AKT2: variants seen among roughly 807,000 people sequenced by gnomAD.
AKT2 encodes RAC-beta serine/threonine-protein kinase.
Under a neutral mutation model 58.6 loss-of-function variants are expected in AKT2, and 16 were observed. The observed-to-expected ratio is 0.27, with a 90% CI of 0.18 to 0.41. The LOEUF (loss-of-function observed/expected upper bound fraction) is 0.41, where lower values mean the gene tolerates loss of function less well. Among genes scored for constraint, AKT2 ranks in the 10% least tolerant of loss-of-function variants. The pLI is 1.00. For synonymous variants in AKT2, 253 were observed against 254.0 expected, an observed-to-expected ratio of 1.00 and a Z score of 0.04; for missense variants, 438 against 661.0, an observed-to-expected ratio of 0.66 and a Z score of 3.70.
In AKT2 at chr19:40,234,816, C is replaced by T. The variant is rs1973908332; in HGVS notation, c.1366+229G>A. Reference sequence around the variant, plus strand: ...GCTCAGGGACCGGGCTGCCTCCTGCCCTGAGCCCCCCGACTGAGCTCCAGA... The same window carrying T: ...GCTCAGGGACCGGGCTGCCTCCTGCTCTGAGCCCCCCGACTGAGCTCCAGA... On this transcript the variant is annotated intron_variant, in intron 13 of 13. Transcript: ENST00000392038. This position sits in a 1 kb window ranked among gnomAD's most constrained non-coding sequence, Gnocchi z 4.7. 1.6e-6 allele frequency: 1 copy of T among 636,854 alleles called. No homozygotes were observed. The allele number at this position is 636,854 out of a possible 1,614,324, so 39.5% of individuals were successfully genotyped here. A position where few individuals can be genotyped will look rare whatever the true frequency, so the allele number is the denominator to read the frequency against.
rs756439602 is a variant in AKT2 at position 40,242,618 on chromosome 19, G to A, written c.357C>T (p.Pro119=). Residue 119 remains proline, a synonymous_variant, in exon 5 of 14, where the codon CCC becomes CCT. Coordinates refer to ENST00000392038, the MANE Select transcript of AKT2 (RefSeq NM_001626.6). This position sits in a 1 kb window ranked among gnomAD's most constrained non-coding sequence, Gnocchi z 4.3. ...SLKQRAPGED[P]MDYKCGSPSD... is the part of the protein sequence containing the mutation. ...TGGGGGAGCCACACTTGTAGTCCAT[G>A]GGGTCCTCGCCTGGGGCCCGCTGCT... The A allele has an allele frequency of 8.1e-6, 13 of 1,613,762 alleles. No individual in the cohort carries two copies. In the Admixed American group the frequency reaches 2.2e-4, roughly 27 times the overall value.
At chr19:40,274,886 C>G (rs889567125) in intron 1 of AKT2, 1 of 356,816 alleles carries the variant, frequency 2.8e-6, no homozygotes, top group Admixed American at 3.7e-5. Flanking sequence ...CCGCCTGAGG[C>G]GAGCTGGGGA....
At chr19:40,273,324 G>C (rs988410939) in intron 1 of AKT2, among the ~76,000 whole-genome samples, 4 of 147,862 alleles carry the variant, frequency 2.7e-5, no homozygotes, top group African/African-American at 7.5e-5. Flanking sequence ...CTGAGGGACA[G>C]AGCAAGACTC....
chr19:40,239,868 C>A (rs1225130795), intron 7 of AKT2, 177 bp downstream of exon 7: 1 of 768,476 alleles, frequency 1.3e-6, no homozygotes, highest in Non-Finnish European at 2.3e-6. Flanking sequence ...ACTCCCCGAG[C>A]CTGCTCACCC....
intron 7 of AKT2, 78 bp from the exon 8 acceptor site, chr19:40,239,051 C>T: frequency 6.9e-7 from 1 of 1,451,132 alleles, no homozygotes. Context: ...GGGCCCTGGC[C>T]CTGCTTATTC....
At chr19:40,246,870 T>TC (rs1974784072) in intron 4 of AKT2, among the ~76,000 whole-genome samples, 1 of 152,118 alleles carries the variant, frequency 6.6e-6, no homozygotes, top group Non-Finnish European at 1.5e-5. Context: ...AGCTCTCCCC[T>TC]CCACCAGGGC....
At position 40,236,223 on chromosome 19, in the gene AKT2, C is replaced by T. The variant is rs769690215; in HGVS notation, c.960+34G>A. 5 of 1,613,516 alleles carry T rather than the reference C, an allele frequency of 3.1e-6. No individual in the cohort carries two copies. In the South Asian group the frequency reaches 5.5e-5, roughly 18 times the overall value. On this transcript the variant is annotated intron_variant, in intron 10 of 13. Coordinates refer to ENST00000392038, the MANE Select transcript of AKT2 (RefSeq NM_001626.6). ...TCTGGGGGATCCCCCTACCCTTGGC[C>T]TCACACGTTCCTACCCCCACCAACC...
At chr19:40,256,475 T>C (rs1334189776) in intron 3 of AKT2, among the ~76,000 whole-genome samples, 1 of 152,084 alleles carries the variant, frequency 6.6e-6, no homozygotes, top group Non-Finnish European at 1.5e-5. Flanking sequence ...ACTGCCAGGG[T>C]CTGGCTGGAA....
intron 1 of AKT2, among the ~76,000 whole-genome samples, chr19:40,271,833 C>T (rs1364201136): frequency 6.6e-6 from 1 of 152,168 alleles, no homozygotes; most frequent in Non-Finnish European, 1.5e-5. Context: ...GAACACCTTC[C>T]CCTGGTTACG....
In AKT2 at chr19:40,282,311, G is replaced by A. The variant is rs1023926772; in HGVS notation, c.-85+2870C>T. The A allele has an allele frequency of 8.3e-6, 3 of 361,650 alleles. No individual in the cohort carries two copies. The Admixed American group carries it at 1.1e-4, about 13-fold the overall frequency. The allele number at this position is 361,650 out of a possible 1,614,324, so 22.4% of individuals were successfully genotyped here. Reference sequence around the variant, plus strand: ...GGACGTCCTTCTGAGACCACTGTATGGGAGTGAACAGTGTGGTCCAAGGTC... The same window carrying A: ...GGACGTCCTTCTGAGACCACTGTATAGGAGTGAACAGTGTGGTCCAAGGTC... On this transcript the variant is annotated intron_variant, in intron 1 of 13. Coordinates refer to ENST00000392038, the MANE Select transcript of AKT2 (RefSeq NM_001626.6).
At position 40,235,078 on chromosome 19, in the gene AKT2, C is replaced by T. The variant is rs1371711287; in HGVS notation, c.1333G>A (p.Ala445Thr). ...DTRYFDDEFT[A>T]QSITITPPDR... ...GGGGGTGTGATTGTGATGGACTGGG[C>T]GGTAAATTCATCATCGAAGTACCTT... The change falls in exon 13 of 14, where the codon GCC becomes ACC. Residue 445 changes from alanine (A) to threonine (T), a missense_variant. Ala to Thr is a moderately conservative substitution (Grantham distance 58). Coordinates refer to ENST00000392038, the MANE Select transcript of AKT2 (RefSeq NM_001626.6). This position sits in a 1 kb window ranked among gnomAD's most constrained non-coding sequence, Gnocchi z 6.3. 1.9e-6 allele frequency: 3 copies of T among 1,614,130 alleles called. No individual in the cohort carries two copies. Among genetic ancestry groups the T allele is most frequent in the Non-Finnish European group, 2.5e-6 (3 of 1,180,008 alleles).
intron 1 of AKT2, among the ~76,000 whole-genome samples, chr19:40,275,770 G>GGGGGGGGGGGGGGGGGGGGGGGGGGA (rs2077306593): frequency 1.0e-5 from 1 of 99,602 alleles, no homozygotes; most frequent in Non-Finnish European, 2.2e-5. Flanking sequence ...AGGCTGGGGG[G>GGGGGGGGGGGGGGGGGGGGGGGGGGA]GGGGGGGGTG....
At position 40,240,216 on chromosome 19, in the gene AKT2, C is replaced by T. The variant is rs769975960; in HGVS notation, c.574-106G>A. The T allele has an allele frequency of 1.9e-5, 22 of 1,177,436 alleles. No homozygotes were observed. The African/African-American group carries it at 2.7e-4, about 15-fold the overall frequency. The allele number at this position is 1,177,436 out of a possible 1,614,324, so 72.9% of individuals were successfully genotyped here. A position where few individuals can be genotyped will look rare whatever the true frequency, so the allele number is the denominator to read the frequency against. On this transcript the variant is annotated intron_variant, in intron 6 of 13. Coordinates refer to ENST00000392038, the MANE Select transcript of AKT2 (RefSeq NM_001626.6). The stretch of plus-strand genomic sequence containing the variant: ...TGTGAAATGCAATTCCATTCCCAGC[C>T]ATAAATGCAGAAAATCACAGGAGTG...
At chr19:40,256,580 C>T (rs755556234) in intron 3 of AKT2, among the ~76,000 whole-genome samples, 9 of 152,164 alleles carry the variant, frequency 5.9e-5, no homozygotes, top group Non-Finnish European at 1.3e-4. Flanking sequence ...GTCCGAGGGA[C>T]AGAGGATGGA....
At chr19:40,251,483 C>T (rs189661348) in intron 4 of AKT2, among the ~76,000 whole-genome samples, 1 of 151,842 alleles carries the variant, frequency 6.6e-6, no homozygotes, top group African/African-American at 2.4e-5. Context: ...GTAAACAACA[C>T]CAAAAGGCAA....
At chr19:40,251,754 T>C (rs1975171008) in intron 4 of AKT2, among the ~76,000 whole-genome samples, 1 of 152,224 alleles carries the variant, frequency 6.6e-6, no homozygotes, top group Non-Finnish European at 1.5e-5. Flanking sequence ...AAGTTACTAG[T>C]AAACAAAGAT....
intron 2 of AKT2, 42 bp downstream of exon 2, chr19:40,265,180 A>C: frequency 6.2e-7 from 1 of 1,603,432 alleles, no homozygotes; most frequent in Non-Finnish European, 8.5e-7. Context: ...AGGAGGAGCC[A>C]GCGTGGGAGA....
chr19:40,236,892 G>C (rs1413028017), intron 9 of AKT2: 4 of 204,670 alleles, frequency 2.0e-5, no homozygotes, highest in Non-Finnish European at 4.0e-5. Context: ...AATTAGCCAG[G>C]CATGGTGGCA....
At chr19:40,271,741 T>TA (rs1282547085) in intron 1 of AKT2, among the ~76,000 whole-genome samples, 1 of 152,198 alleles carries the variant, frequency 6.6e-6, no homozygotes, top group East Asian at 1.9e-4. Flanking sequence ...CATTTGGGGA[T>TA]AGAGAATCCC....
Sources: gnomAD v4.1 joint callset for allele counts (sites outside exome capture counted in the v4.1 genomes callset) on GRCh38, gnomAD v4.1.1 for gene constraint, Gnocchi (gnomAD v3.1) non-coding constraint, MANE v1.5 for transcripts, NCBI Gene and HGNC (gene_info 2026-07-23, HGNC 2026-07-21) for gene names.